GATAD2A: variants seen among roughly 807,000 people sequenced by gnomAD.
The protein encoded by GATAD2A is transcriptional repressor p66-alpha.
Under a neutral mutation model 68.5 loss-of-function variants are expected in GATAD2A, and 12 were observed. That is an observed-to-expected ratio of 0.18 (90% CI 0.11 to 0.28). The LOEUF is 0.28. Ranked by LOEUF, GATAD2A falls within the 10% of genes least tolerant of loss-of-function variation. GATAD2A has a pLI of 1.00. For missense variants in GATAD2A, 755 were observed against 868.5 expected (o/e 0.87, Z 1.64); for synonymous variants, 410 against 375.3 (o/e 1.09, Z -1.07).
intron 2 of GATAD2A, among the ~76,000 whole-genome samples, chr19:19,471,464 A>G (rs920733193): frequency 2.7e-4 from 41 of 151,886 alleles, no homozygotes; most frequent in African/African-American, 9.9e-4. Flanking sequence ...TCCCCCCAAA[A>G]AGCAAATTTA....
intron 1 of GATAD2A, among the ~76,000 whole-genome samples, chr19:19,449,271 AGCTTTGCTCT>A (rs1339093756): frequency 3.3e-5 from 5 of 152,186 alleles, no homozygotes; most frequent in Admixed American, 3.3e-4. Context: ...TGCCCAAAAC[AGCTTTGCTCT>A]GCACAGGGTG....
chr19:19,426,519 T>C (rs903216245), intron 1 of GATAD2A, among the ~76,000 whole-genome samples: 1 of 152,156 alleles, frequency 6.6e-6, no homozygotes, highest in Admixed American at 6.5e-5. Context: ...AATTTAATTT[T>C]TATTTTTTTG....
chr19:19,393,472 G>A (rs865852204), intron 1 of GATAD2A, among the ~76,000 whole-genome samples: 1 of 152,288 alleles, frequency 6.6e-6, no homozygotes, highest in South Asian at 2.1e-4. Context: ...AATAATTCAG[G>A]AACAAACACT....
At chr19:19,425,962 A>G (rs1332040603) in intron 1 of GATAD2A, among the ~76,000 whole-genome samples, 1 of 151,682 alleles carries the variant, frequency 6.6e-6, no homozygotes, top group East Asian at 1.9e-4. Flanking sequence ...TAATTTTTGT[A>G]TTTTTTGTAG....
At chr19:19,400,462 G>A (rs571105275) in intron 1 of GATAD2A, among the ~76,000 whole-genome samples, 26 of 152,192 alleles carry the variant, frequency 1.7e-4, no homozygotes, top group African/African-American at 6.3e-4. Context: ...TGGGGACAAC[G>A]GGGGCTACTG....
intron 1 of GATAD2A, among the ~76,000 whole-genome samples, chr19:19,408,963 C>T (rs965408107): frequency 6.6e-6 from 1 of 150,826 alleles, no homozygotes; most frequent in Non-Finnish European, 1.5e-5. Flanking sequence ...CTAAAGGATG[C>T]CTCTGAAGAA....
At chr19:19,460,602 C>T (rs1600187750) in intron 1 of GATAD2A, among the ~76,000 whole-genome samples, 1 of 152,294 alleles carries the variant, frequency 6.6e-6, no homozygotes, top group South Asian at 2.1e-4. Flanking sequence ...GCCTCGCACT[C>T]AGCACATCCG....
At chr19:19,484,518 C>CTTTTTTTTTTTTCTTTTTT (rs2059278742) in intron 2 of GATAD2A, among the ~76,000 whole-genome samples, 53 of 114,450 alleles carry the variant, frequency 4.6e-4, no homozygotes, top group Non-Finnish European at 6.5e-4. Flanking sequence ...TTTTCTTTTT[C>CTTTTTTTTTTTTCTTTTTT]TTTTTTTTTT....
rs188269286 is a variant in GATAD2A, at chr19:19,437,575, T to C, written c.-6-27765T>C. Among the ~76,000 whole-genome samples the C allele has an allele frequency of 2.1e-3, 323 of 152,340 alleles. 1 individual carries two copies. Among genetic ancestry groups the C allele is most frequent in the African/African-American group, 7.5e-3 (314 of 41,592 alleles). ...ATCCCAAAAGGAAACAGCATACTCA[T>C]TAGCAGTCACTCCTCATCTCCCCCT... On this transcript the variant is annotated intron_variant, in intron 1 of 11. Transcript: ENST00000683918.
chr19:19,497,123 C>G (rs2060205855), intron 7 of GATAD2A, among the ~76,000 whole-genome samples: 1 of 152,132 alleles, frequency 6.6e-6, no homozygotes. Context: ...TATTATGAGA[C>G]AAGAGTCTCC....
chr19:19,430,074 G>T (rs1319295588), intron 1 of GATAD2A, among the ~76,000 whole-genome samples: 1 of 152,092 alleles, frequency 6.6e-6, no homozygotes, highest in Non-Finnish European at 1.5e-5. Flanking sequence ...CTCAGTATTG[G>T]GATTTGGGCC....
At chr19:19,501,454 A>T in intron 9 of GATAD2A, 38 bp downstream of exon 9, 1 of 1,503,602 alleles carries the variant, frequency 6.7e-7, no homozygotes, top group Non-Finnish European at 9.0e-7. Context: ...CGTCCCTAGG[A>T]GGCAGAGGCC....
chr19:19,413,799 G>C (rs1007381001), intron 1 of GATAD2A, among the ~76,000 whole-genome samples: 1 of 152,070 alleles, frequency 6.6e-6, no homozygotes, highest in African/African-American at 2.4e-5. Context: ...TGGTCAGGCT[G>C]GTCTCGAACT....
intron 1 of GATAD2A, among the ~76,000 whole-genome samples, chr19:19,448,529 C>T (rs1353758023): frequency 1.3e-5 from 2 of 152,228 alleles, no homozygotes. Context: ...CTCTCTGTCT[C>T]CCAGGCTGGA....
At chr19:19,490,644 G>A (rs1880767691) in intron 2 of GATAD2A, among the ~76,000 whole-genome samples, 1 of 152,150 alleles carries the variant, frequency 6.6e-6, no homozygotes, top group Non-Finnish European at 1.5e-5. Context: ...TGTACAATGA[G>A]GCCGAGGCGG....
rs371128331 is a variant in GATAD2A at position 19,492,615 on chromosome 19, A to G, written c.437A>G (p.Lys146Arg). The stretch of plus-strand genomic sequence containing the variant: ...CCTGAAGAACGAGAAAGGATGATCA[A>G]GCAGCTGAAGGAAGAATTGAGGTTA... ...SSPEERERMI[K>R]QLKEELRLEE... Residue 146 changes from lysine (K) to arginine (R), a missense_variant, in exon 4 of 12, where the codon AAG becomes AGG. Lys to Arg is a conservative substitution (Grantham distance 26). Coordinates refer to ENST00000683918, the MANE Select transcript of GATAD2A (RefSeq NM_001384528.1). 5 of 1,614,074 alleles carry G rather than the reference A, an allele frequency of 3.1e-6. No individual in the cohort carries two copies. The South Asian group carries it at 3.3e-5, about 11-fold the overall frequency.
intron 1 of GATAD2A, among the ~76,000 whole-genome samples, chr19:19,391,365 A>G (rs542199082): frequency 1.8e-4 from 27 of 152,250 alleles, no homozygotes; most frequent in Admixed American, 5.2e-4. Context: ...TCATGCACAC[A>G]TATATAGACA....
chr19:19,455,496 TA>T (rs976671921), intron 1 of GATAD2A, among the ~76,000 whole-genome samples: 162 of 150,636 alleles, frequency 1.1e-3, no homozygotes, highest in Non-Finnish European at 2.0e-3. Flanking sequence ...CTCTGGGTCT[TA>T]AAAAAAAAAT....
At chr19:19,408,146 C>T (rs915032769) in intron 1 of GATAD2A, among the ~76,000 whole-genome samples, 2 of 152,132 alleles carry the variant, frequency 1.3e-5, no homozygotes, top group African/African-American at 4.8e-5. Context: ...ACTACCATGC[C>T]CGGCTAAGTT....
Sources: gnomAD v4.1 joint callset for allele counts (sites outside exome capture counted in the v4.1 genomes callset) on GRCh38, gnomAD v4.1.1 for gene constraint, MANE v1.5 for transcripts, NCBI Gene and HGNC (gene_info 2026-07-23, HGNC 2026-07-21) for gene names.